ERP29: variants seen among roughly 807,000 people sequenced by gnomAD.
ERP29 encodes endoplasmic reticulum protein 29, also known as endoplasmic reticulum resident protein 29.
In ERP29, 14 loss-of-function variants were observed where a neutral mutation model predicts 21.7. The observed-to-expected ratio is 0.64, with a 90% CI of 0.43 to 1.01. ERP29 has a LOEUF of 1.01. Ranked by LOEUF, ERP29 falls within the 50% of genes least tolerant of loss-of-function variation. The probability of loss-of-function intolerance (pLI) is 0.00; values close to 1 mark genes in which losing one functional copy is unlikely to be tolerated. For synonymous variants in ERP29, 129 were observed against 139.1 expected (o/e 0.93, Z 0.51); for missense variants, 286 against 327.3 (o/e 0.87, Z 0.97).
At chr12:112,021,493 A>G (rs2078044818) in intron 2 of ERP29, among the ~76,000 whole-genome samples, 1 of 145,628 alleles carries the variant, frequency 6.9e-6, no homozygotes, top group South Asian at 2.2e-4. Flanking sequence ...TCTCTCCCTT[A>G]GAAGAATATG....
intron 1 of ERP29, among the ~76,000 whole-genome samples, chr12:112,014,056 C>T (rs923172438): frequency 6.6e-6 from 1 of 152,262 alleles, no homozygotes; most frequent in Non-Finnish European, 1.5e-5. Context: ...GTCCGCGCCC[C>T]TCTTCCCAGG....
At chr12:112,021,515 CTTTTTTTTTTTT>C (rs1164185865) in intron 2 of ERP29, among the ~76,000 whole-genome samples, 125 of 70,046 alleles carry the variant, frequency 1.8e-3, no homozygotes, top group African/African-American at 8.4e-3. Context: ...GCTTAATAGT[CTTTTTTTTTTTT>C]TTTTTTTTTT....
At chr12:112,017,986 C>A (rs952589337) in intron 1 of ERP29, among the ~76,000 whole-genome samples, 1 of 151,714 alleles carries the variant, frequency 6.6e-6, no homozygotes, top group Non-Finnish European at 1.5e-5. Flanking sequence ...GGTTTCACCA[C>A]GTTGGCCAGG....
At chr12:112,018,636 A>G (rs1175262952) in intron 1 of ERP29, among the ~76,000 whole-genome samples, 3 of 152,262 alleles carry the variant, frequency 2.0e-5, no homozygotes, top group Non-Finnish European at 2.9e-5. Context: ...GACTTAGCAT[A>G]TGACCACCAC....
chr12:112,020,508 G>A (rs1166139461), intron 2 of ERP29, among the ~76,000 whole-genome samples: 1 of 152,146 alleles, frequency 6.6e-6, no homozygotes, highest in African/African-American at 2.4e-5. Context: ...AAAGATTAAA[G>A]GACTGTGGGT....
chr12:112,019,787 A>G lies in ERP29; in HGVS notation c.176A>G (p.Lys59Arg). Residue 59 changes from lysine (K) to arginine (R), a missense_variant, in exon 2 of 3, where the codon AAG (lysine) becomes AGG (arginine). Physicochemically the swap from Lys to Arg is conservative, Grantham distance 26 (BLOSUM62 2). Transcript: ENST00000261735. ...CCCAAAAGCAAGTTCGTCTTGGTGAAGTTCGACACCCAGTACCCCTACGGT... is the reference window on the plus strand; with the variant it reads ...CCCAAAAGCAAGTTCGTCTTGGTGAGGTTCGACACCCAGTACCCCTACGGT... ...VIPKSKFVLV[K>R]FDTQYPYGEK... is the part of the protein sequence containing the mutation. 1 of 1,614,078 alleles carries G rather than the reference A, an allele frequency of 6.2e-7. No individual in the cohort carries two copies. Among genetic ancestry groups the G allele is most frequent in the Non-Finnish European group, 8.5e-7 (1 of 1,180,020 alleles).
chr12:112,022,706 AC>A lies in ERP29; in HGVS notation c.*56del, dbSNP rs2078058608. The A allele has an allele frequency of 4.6e-6, 7 of 1,529,980 alleles. No homozygotes were observed. The highest frequency in any genetic ancestry group is 6.1e-6 in the Non-Finnish European group (7 of 1,139,928). The allele number at this position is 1,529,980 out of a possible 1,614,324, so 94.8% of individuals were successfully genotyped here. ...GGTGGGGGTAGGGAGGGGAGAGTTA[AC>A]CTGCTGGCTGTGAGTCCCTTGTGGA... is the stretch of plus-strand genomic sequence containing the variant. On this transcript the variant is annotated 3_prime_UTR_variant, in exon 3 of 3. Coordinates refer to ENST00000261735, the MANE Select transcript of ERP29 (RefSeq NM_006817.4).
chr12:112,022,313 G>C lies in ERP29; in HGVS notation c.447G>C (p.Gly149=). Residue 149 remains glycine, a synonymous_variant, in exon 3 of 3, where the codon GGG becomes GGC. Transcript: ENST00000261735. ...GAIQRWLKGQ[G]VYLGMPGCLP... is the part of the protein sequence containing the mutation. The stretch of plus-strand genomic sequence containing the variant: ...TCCAGCGCTGGCTGAAGGGGCAAGG[G>C]GTCTACCTAGGTATGCCTGGTTGCC... 6.2e-7 allele frequency: 1 copy of C among 1,613,352 alleles called. No individual in the cohort carries two copies. Among genetic ancestry groups the C allele is most frequent in the Non-Finnish European group, 8.5e-7 (1 of 1,179,576 alleles).
At chr12:112,015,617 G>A (rs1254754042) in intron 1 of ERP29, among the ~76,000 whole-genome samples, 1 of 152,132 alleles carries the variant, frequency 6.6e-6, no homozygotes, top group East Asian at 1.9e-4. Context: ...TGCTCCATGG[G>A]AATCAGATAA....
In ERP29 at chr12:112,022,344, G is replaced by C; in HGVS notation, c.478G>C (p.Val160Leu). Residue 160 changes from valine to leucine, a missense_variant, in exon 3 of 3, where the codon GTA becomes CTA. Physicochemically the swap from Val to Leu is conservative, Grantham distance 32. Transcript: ENST00000261735. ...CCTAGGTATGCCTGGTTGCCTGCCTGTATACGACGCCCTGGCCGGGGAGTT... is the reference window on the plus strand; with the variant it reads ...CCTAGGTATGCCTGGTTGCCTGCCTCTATACGACGCCCTGGCCGGGGAGTT... ...VYLGMPGCLP[V>L]YDALAGEFIR... is the part of the protein sequence containing the mutation. 6.2e-7 allele frequency: 1 copy of C among 1,614,122 alleles called. No individual in the cohort carries two copies. The highest frequency in any genetic ancestry group is 8.5e-7 in the Non-Finnish European group (1 of 1,179,990).
chr12:112,019,344 G>T, intron 1 of ERP29: 2 of 273,672 alleles, frequency 7.3e-6, no homozygotes, highest in East Asian at 9.5e-5. Flanking sequence ...TCCTTTGTAG[G>T]TAGGTTTGTT....
intron 1 of ERP29, among the ~76,000 whole-genome samples, chr12:112,015,524 GT>G (rs2078006418): frequency 6.6e-6 from 1 of 151,900 alleles, no homozygotes; most frequent in South Asian, 2.1e-4. Flanking sequence ...TGGCTGATTG[GT>G]TGTCAGGCAT....
At chr12:112,015,695 A>G (rs1014093700) in intron 1 of ERP29, among the ~76,000 whole-genome samples, 1 of 152,144 alleles carries the variant, frequency 6.6e-6, no homozygotes, top group East Asian at 1.9e-4. Context: ...TTCTACTATT[A>G]CCACCCTAGT....
At chr12:112,021,514 TC>T (rs1184126895) in intron 2 of ERP29, among the ~76,000 whole-genome samples, 1 of 135,262 alleles carries the variant, frequency 7.4e-6, no homozygotes, top group Non-Finnish European at 1.5e-5. Context: ...AGCTTAATAG[TC>T]TTTTTTTTTT....
chr12:112,022,354 C>G lies in ERP29; in HGVS notation c.488C>G (p.Ala163Gly). The change falls in exon 3 of 3, where the codon GCC becomes GGC. Residue 163 changes from alanine to glycine, a missense_variant. By Grantham distance (60) the Ala-to-Gly change is moderately conservative. Coordinates refer to ENST00000261735, the MANE Select transcript of ERP29 (RefSeq NM_006817.4). ...CCTGGTTGCCTGCCTGTATACGACG[C>G]CCTGGCCGGGGAGTTCATCAGGGCC... is the stretch of plus-strand genomic sequence containing the variant. ...GMPGCLPVYD[A>G]LAGEFIRASG... The G allele has an allele frequency of 6.2e-7, 1 of 1,614,172 alleles. No individual in the cohort carries two copies.
At chr12:112,021,719 G>A (rs1263246559) in intron 2 of ERP29, among the ~76,000 whole-genome samples, 4 of 151,532 alleles carry the variant, frequency 2.6e-5, no homozygotes, top group Non-Finnish European at 5.9e-5. Context: ...CAGAGACAGC[G>A]GTTTCACTAT....
At chr12:112,020,106 C>T (rs780673256) in intron 2 of ERP29, among the ~76,000 whole-genome samples, 13 of 152,122 alleles carry the variant, frequency 8.5e-5, no homozygotes, top group Non-Finnish European at 1.9e-4. Flanking sequence ...CTCAGCTGTA[C>T]AGGTGCCTGA....
intron 1 of ERP29, chr12:112,018,803 G>A (rs956387287): frequency 7.2e-5 from 11 of 152,198 alleles, no homozygotes; most frequent in African/African-American, 2.7e-4. Flanking sequence ...GTGGTCTATC[G>A]TACAGTGTAA....
Position 112,013,517 on chromosome 12 carries a change from C to T in ERP29, c.52C>T (p.Leu18Phe). The T allele has an allele frequency of 6.2e-7, 1 of 1,612,866 alleles. No homozygotes were observed. The highest frequency in any genetic ancestry group is 8.5e-7 in the Non-Finnish European group (1 of 1,179,520). The change falls in exon 1 of 3, where the codon CTC becomes TTC. Residue 18 changes from leucine to phenylalanine, a missense_variant. Physicochemically the swap from Leu to Phe is conservative, Grantham distance 22. Coordinates refer to ENST00000261735, the MANE Select transcript of ERP29 (RefSeq NM_006817.4). The stretch of plus-strand genomic sequence containing the variant: ...ATTTCTCTCCCCGCTGCTTCCCCTT[C>T]TCCTGGGCTTCCTGCTCCTCTCCGC... ...AAFLSPLLPL[L>F]LGFLLLSAPH...
Sources: gnomAD v4.1 joint callset for allele counts (sites outside exome capture counted in the v4.1 genomes callset) on GRCh38, gnomAD v4.1.1 for gene constraint, MANE v1.5 for transcripts, NCBI Gene and HGNC (gene_info 2026-07-23, HGNC 2026-07-21) for gene names.